The following PIGN variants were observed in gnomAD, a reference collection of about 807,000 sequenced individuals.
PIGN encodes the protein phosphatidylinositol glycan anchor biosynthesis class N, also known as GPI ethanolamine phosphate transferase 1.
Under a neutral mutation model 125.4 loss-of-function variants are expected in PIGN, and 117 were observed. The observed-to-expected ratio is 0.93, with a 90% CI of 0.80 to 1.09. PIGN has a LOEUF of 1.09. Among genes scored for constraint, PIGN ranks in the 50% least tolerant of loss-of-function variants. PIGN has a pLI of 0.00. For missense variants in PIGN, 1,075 were observed against 1,094.9 expected, an observed-to-expected ratio of 0.98 and a Z score of 0.26; for synonymous variants, 392 against 377.8, an observed-to-expected ratio of 1.04 and a Z score of -0.44.
downstream of PIGN, among the ~76,000 whole-genome samples, chr18:62,039,981 G>A (rs1486201614): frequency 8.1e-5 from 6 of 73,820 alleles, no homozygotes; most frequent in Admixed American, 1.6e-4. Flanking sequence ...CCCCATCCAG[G>A]GTGCCGCACC....
intron 12 of PIGN, 105 bp downstream of exon 12, chr18:62,140,315 A>T (rs2036085462): frequency 2.8e-6 from 1 of 354,776 alleles, no homozygotes; most frequent in East Asian, 5.2e-5. Context: ...GACCCCATCT[A>T]AAAAAAAAAC....
chr18:62,158,127 T>C (rs1445774346), intron 4 of PIGN: 2 of 212,396 alleles, frequency 9.4e-6, no homozygotes, highest in Middle Eastern at 1.8e-3. Flanking sequence ...AAAACATATA[T>C]TATTATATCA....
At chr18:62,047,036 C>T (rs1340423904) in intron 30 of PIGN, among the ~76,000 whole-genome samples, 1 of 152,230 alleles carries the variant, frequency 6.6e-6, no homozygotes, top group African/African-American at 2.4e-5. Context: ...AATAATACCA[C>T]CACCACAAGA....
At chr18:62,160,294 G>T (rs761235345) in intron 4 of PIGN, among the ~76,000 whole-genome samples, 1 of 152,160 alleles carries the variant, frequency 6.6e-6, no homozygotes, top group Non-Finnish European at 1.5e-5. Context: ...GCAATTGTTT[G>T]TAGGCCCTTT....
intron 15 of PIGN, among the ~76,000 whole-genome samples, chr18:62,114,057 T>C (rs969556725): frequency 6.6e-6 from 1 of 152,168 alleles, no homozygotes; most frequent in South Asian, 2.1e-4. Context: ...AGTTTATTTC[T>C]AATGCTAACC....
At chr18:62,122,033 T>C (rs952509551) in intron 14 of PIGN, among the ~76,000 whole-genome samples, 4 of 151,940 alleles carry the variant, frequency 2.6e-5, no homozygotes, top group Admixed American at 2.0e-4. Flanking sequence ...TTACCAGAGG[T>C]TAGAAAAGTA....
intron 14 of PIGN, among the ~76,000 whole-genome samples, chr18:62,116,833 T>C (rs2035104252): frequency 6.6e-6 from 1 of 152,050 alleles, no homozygotes. Flanking sequence ...CCATTTGTAA[T>C]GTACCTAAAA....
Position 62,107,056 on chromosome 18 carries a change from G to C in PIGN, c.1604C>G (p.Ser535Ter). ...EFQVIQDLVV[S>*]VLTYPLSHFV... The stretch of plus-strand genomic sequence containing the variant: ...ATGGCTCAGAGGATAGGTCAACACT[G>C]ATACAACAAGGTCCTGAATAACTTG... The change falls in exon 18 of 31, where the codon TCA (serine) becomes TGA (stop). Residue 535 changes from serine (S) to a stop codon, truncating the protein, a stop_gained. Coordinates refer to ENST00000640252, the MANE Select transcript of PIGN (RefSeq NM_176787.5). LOFTEE classifies it high-confidence loss of function. 2.5e-6 allele frequency: 4 copies of C among 1,586,692 alleles called. No individual in the cohort carries two copies. The highest frequency in any genetic ancestry group is 3.4e-6 in the Non-Finnish European group (4 of 1,165,664).
At position 62,135,587 on chromosome 18, in the gene PIGN, CCTTT is replaced by C. The variant is rs1490175896; in HGVS notation, c.1172+2652_1172+2655del. 4.5e-4 allele frequency: 68 copies of C among 151,564 alleles called. 1 individual carries two copies. Among genetic ancestry groups the C allele is most frequent in the African/African-American group, 1.5e-3 (61 of 41,116 alleles). 9.4% of individuals were successfully genotyped at this position (151,564 alleles called of 1,614,324 possible). A position where few individuals can be genotyped will look rare whatever the true frequency, so the allele number is the denominator to read the frequency against. On this transcript the variant is annotated intron_variant, in intron 14 of 30. Coordinates refer to ENST00000640252, the MANE Select transcript of PIGN (RefSeq NM_176787.5). Reference sequence around the variant, plus strand: ...TGACGAAGAGTCCTTCCCTAACTAGCCTTTCTTTCTTTTCTTTTGTTTTTTCTTT... The same window carrying C: ...TGACGAAGAGTCCTTCCCTAACTAGCCTTTCTTTTCTTTTGTTTTTTCTTT...
chr18:62,077,271 G>A (rs1277292807), intron 28 of PIGN, among the ~76,000 whole-genome samples: 4 of 152,016 alleles, frequency 2.6e-5, no homozygotes, highest in African/African-American at 7.2e-5. Context: ...CCAGCTACTC[G>A]GGAGGCTGAG....
At chr18:62,138,127 AAT>A (rs1188722695) in intron 14 of PIGN, 114 bp downstream of exon 14, 1 of 1,351,838 alleles carries the variant, frequency 7.4e-7, no homozygotes, top group Non-Finnish European at 1.0e-6. Context: ...AGTTTACACT[AAT>A]GTATATAAAA....
At chr18:62,151,092 T>G (rs2036520713) in intron 7 of PIGN, among the ~76,000 whole-genome samples, 1 of 152,194 alleles carries the variant, frequency 6.6e-6, no homozygotes, top group Admixed American at 6.5e-5. Context: ...TACTTAACAC[T>G]ACTAAATTAC....
intron 28 of PIGN, among the ~76,000 whole-genome samples, chr18:62,080,392 C>T (rs1196876436): frequency 6.6e-6 from 1 of 152,184 alleles, no homozygotes; most frequent in African/African-American, 2.4e-5. Context: ...GAACTGGCCA[C>T]AATTGTGACA....
intron 30 of PIGN, among the ~76,000 whole-genome samples, chr18:62,067,941 T>C (rs1053038640): frequency 1.3e-5 from 2 of 152,200 alleles, no homozygotes; most frequent in African/African-American, 4.8e-5. Flanking sequence ...CAGTAAGTTC[T>C]ATGCATGTAA....
At chr18:62,148,749 G>C (rs773626303) in intron 7 of PIGN, among the ~76,000 whole-genome samples, 5 of 151,954 alleles carry the variant, frequency 3.3e-5, no homozygotes, top group Non-Finnish European at 5.9e-5. Flanking sequence ...ACTTTTCATT[G>C]TCCTGTGTAC....
intron 1 of PIGN, among the ~76,000 whole-genome samples, chr18:62,180,350 C>G (rs1025952497): frequency 6.6e-6 from 1 of 152,006 alleles, no homozygotes; most frequent in Non-Finnish European, 1.5e-5. Context: ...TTAAATTATT[C>G]TATGGACCAA....
rs1178045690 is a variant in PIGN, at chr18:62,047,669, G to A, written c.2673-1690C>T. 1.3e-4 allele frequency among the ~76,000 whole-genome samples: 20 copies of A among 152,288 alleles called. No homozygotes were observed. In the South Asian group the frequency reaches 3.9e-3, roughly 30 times the overall value. ...ATTTCTAACCTCATCAGGCAGAAAT[G>A]AGGTAGTGTCCCCTCTTCCCCTGCC... On this transcript the variant is annotated intron_variant, in intron 30 of 30. Coordinates refer to ENST00000640252, the MANE Select transcript of PIGN (RefSeq NM_176787.5).
chr18:62,161,476 T>C (rs2036951257), intron 3 of PIGN, 91 bp from the exon 4 acceptor site: 2 of 597,550 alleles, frequency 3.3e-6, no homozygotes, highest in Admixed American at 3.0e-5. Context: ...AGATGAAACA[T>C]ATATTTTTAA....
At chr18:62,144,435 T>C (rs1008775953) in intron 10 of PIGN, among the ~76,000 whole-genome samples, 3 of 152,170 alleles carry the variant, frequency 2.0e-5, no homozygotes, top group African/African-American at 7.2e-5. Flanking sequence ...CTACCTCTTG[T>C]TTACCTCTCC....
Sources: gnomAD v4.1 joint callset for allele counts (sites outside exome capture counted in the v4.1 genomes callset) on GRCh38, gnomAD v4.1.1 for gene constraint, MANE v1.5 for transcripts, NCBI Gene and HGNC (gene_info 2026-07-23, HGNC 2026-07-21) for gene names.